The following PHTF2 variants were observed in gnomAD, a reference collection of about 807,000 sequenced individuals.
The protein encoded by PHTF2 is putative homeodomain transcription factor 2, also known as protein PHTF2.
In PHTF2, 60 loss-of-function variants were observed where a neutral mutation model predicts 101.2. That is an observed-to-expected ratio of 0.59 (90% CI 0.48 to 0.73). The LOEUF (loss-of-function observed/expected upper bound fraction) is 0.73, where lower values mean the gene tolerates loss of function less well. Ranked by LOEUF, PHTF2 falls within the 30% of genes least tolerant of loss-of-function variation. The pLI is 0.00. For missense variants in PHTF2, 747 were observed against 908.7 expected, an observed-to-expected ratio of 0.82 and a Z score of 2.29; for synonymous variants, 311 against 307.3, an observed-to-expected ratio of 1.01 and a Z score of -0.13.
chr7:77,855,652 C>A (rs911918622), intron 3 of PHTF2, among the ~76,000 whole-genome samples: 1 of 152,298 alleles, frequency 6.6e-6, no homozygotes, highest in Admixed American at 6.5e-5. Flanking sequence ...AACGCAGTTT[C>A]TGACTGCTTG....
intron 1 of PHTF2, among the ~76,000 whole-genome samples, chr7:77,803,611 A>C (rs537537845): frequency 6.6e-6 from 1 of 152,132 alleles, no homozygotes; most frequent in East Asian, 1.9e-4. Flanking sequence ...AATGTATGTA[A>C]AGCACTTGAC....
At position 77,893,601 on chromosome 7, in the gene PHTF2, T is replaced by G. The variant is rs1404708019; in HGVS notation, c.148-7T>G. 1.5e-6 allele frequency: 2 copies of G among 1,312,306 alleles called. No individual in the cohort carries two copies. The highest frequency in any genetic ancestry group is 2.2e-6 in the Non-Finnish European group (2 of 923,166). The allele number at this position is 1,312,306 out of a possible 1,614,324, so 81.3% of individuals were successfully genotyped here. ...TGACCATTTAATGTAGTGTCTTCTT[T>G]TCATAGATTGGAGCATATGATCAAC... On this transcript the variant is annotated splice_region_variant and splice_polypyrimidine_tract_variant and intron_variant, in intron 3 of 19. Transcript: ENST00000416283.
At chr7:77,853,000 G>T (rs1358058929) in intron 2 of PHTF2, among the ~76,000 whole-genome samples, 1 of 152,084 alleles carries the variant, frequency 6.6e-6, no homozygotes, top group African/African-American at 2.4e-5. Flanking sequence ...CCAGTTTTAG[G>T]CTCCTTTCTT....
intron 4 of PHTF2, 79 bp from the exon 4 acceptor site, chr7:77,893,903 C>T (rs1389803546): frequency 2.9e-6 from 3 of 1,032,228 alleles, no homozygotes; most frequent in African/African-American, 3.2e-5. Context: ...TTTTTGTCAG[C>T]TTTTTTCCCC....
At chr7:77,927,193 T>TACACACACAC (rs1428236843) in intron 11 of PHTF2, among the ~76,000 whole-genome samples, 22 of 93,530 alleles carry the variant, frequency 2.4e-4, no homozygotes, top group African/African-American at 6.8e-4. Context: ...TATATATATA[T>TACACACACAC]ATACATACAC....
chr7:77,914,696 A>G (rs1802739107), intron 9 of PHTF2, among the ~76,000 whole-genome samples: 1 of 152,178 alleles, frequency 6.6e-6, no homozygotes, highest in Non-Finnish European at 1.5e-5. Flanking sequence ...AACATCCCTC[A>G]GAATCTTAGG....
intron 3 of PHTF2, among the ~76,000 whole-genome samples, chr7:77,874,777 A>G (rs996080686): frequency 6.6e-6 from 1 of 152,182 alleles, no homozygotes; most frequent in African/African-American, 2.4e-5. Context: ...TCAAGTTGAC[A>G]GTCAGTATTA....
chr7:77,940,375 T>C, intron 14 of PHTF2, 73 bp downstream of exon 13: 1 of 1,386,152 alleles, frequency 7.2e-7, no homozygotes, highest in East Asian at 2.3e-5. Context: ...CCTGAAGTAC[T>C]TTATTATTTC....
chr7:77,846,628 C>A, intron 2 of PHTF2, among the ~76,000 whole-genome samples: 1 of 137,906 alleles, frequency 7.3e-6, no homozygotes, highest in African/African-American at 2.7e-5. Context: ...CCTTCCCTCC[C>A]CTCCCCTCCC....
rs1355702721 is a variant in PHTF2, at chr7:77,931,601, A to ATTCT, written c.1338+2274_1338+2275insTTCT. On this transcript the variant is annotated intron_variant, in intron 12 of 19. Coordinates refer to ENST00000416283, the Ensembl canonical transcript of PHTF2. ...ATGTTGGCAAGAATGTGAAGAGAGA[A>ATTCT]CTCTTTAATACTGATGTTTGTTTGT... 1.3e-4 allele frequency among the ~76,000 whole-genome samples: 20 copies of ATTCT among 152,222 alleles called. No individual in the cohort carries two copies. The East Asian group carries it at 3.9e-3, about 29-fold the overall frequency.
chr7:77,875,888 G>C (rs975002112), intron 3 of PHTF2, among the ~76,000 whole-genome samples: 1 of 152,176 alleles, frequency 6.6e-6, no homozygotes, highest in Admixed American at 6.5e-5. Context: ...AACACTTCAT[G>C]TGTGCCACAC....
At chr7:77,799,940 G>A (rs1792399730) in intron 1 of PHTF2, among the ~76,000 whole-genome samples, 1 of 152,056 alleles carries the variant, frequency 6.6e-6, no homozygotes, top group Non-Finnish European at 1.5e-5. Context: ...CTACTTTTCA[G>A]GTGTGATACT....
intron 3 of PHTF2, among the ~76,000 whole-genome samples, chr7:77,860,066 G>T (rs1797507080): frequency 6.6e-6 from 1 of 152,108 alleles, no homozygotes; most frequent in African/African-American, 2.4e-5. Context: ...TTAAACCAGA[G>T]TGTATATTTC....
chr7:77,828,306 G>C (rs933118438), intron 1 of PHTF2, among the ~76,000 whole-genome samples: 5 of 152,106 alleles, frequency 3.3e-5, no homozygotes, highest in African/African-American at 1.2e-4. Flanking sequence ...CTATTTAAAG[G>C]ACCTTTAAGT....
chr7:77,855,097 C>G (rs1039835005), intron 3 of PHTF2, among the ~76,000 whole-genome samples: 3 of 152,244 alleles, frequency 2.0e-5, no homozygotes, highest in African/African-American at 7.2e-5. Context: ...CAGCAGGACC[C>G]TGGGTCTCAC....
chr7:77,833,933 G>T (rs1401740410), intron 1 of PHTF2, among the ~76,000 whole-genome samples: 1 of 152,148 alleles, frequency 6.6e-6, no homozygotes, highest in Admixed American at 6.5e-5. Flanking sequence ...TTTTGGGTGT[G>T]TTAGAATTCA....
chr7:77,898,065 A>G (rs140158520), intron 5 of PHTF2, among the ~76,000 whole-genome samples: 3 of 150,918 alleles, frequency 2.0e-5, no homozygotes, highest in East Asian at 1.9e-4. Context: ...GAAACTGGCT[A>G]TTAGGGTGTG....
At chr7:77,948,283 A>G (rs1455286104) in intron 16 of PHTF2, among the ~76,000 whole-genome samples, 3 of 152,188 alleles carry the variant, frequency 2.0e-5, no homozygotes, top group African/African-American at 7.2e-5. Context: ...AAATAGCCAT[A>G]TATATGTAGA....
intron 16 of PHTF2, among the ~76,000 whole-genome samples, chr7:77,946,516 T>C (rs1050762535): frequency 3.3e-5 from 5 of 152,162 alleles, no homozygotes; most frequent in African/African-American, 1.2e-4. Flanking sequence ...CCAAGCGACT[T>C]TACAGACACA....
Sources: allele counts gnomAD v4.1 joint callset (sites outside exome capture counted in the v4.1 genomes callset), GRCh38; gene constraint gnomAD v4.1.1; transcripts MANE v1.5; gene names NCBI Gene and HGNC (gene_info 2026-07-23, HGNC 2026-07-21).